Variants in TMTC1 observed in about 807,000 individuals in gnomAD.
The protein encoded by TMTC1 is protein O-mannosyl-transferase TMTC1.
A neutral mutation model predicts 104.8 loss-of-function variants in TMTC1; 73 were observed. That is an observed-to-expected ratio of 0.70 (90% CI 0.58 to 0.85). TMTC1 has a LOEUF of 0.85. Among genes scored for constraint, TMTC1 ranks in the 40% least tolerant of loss-of-function variants. The probability of loss-of-function intolerance (pLI) is 0.00; values close to 1 mark genes in which losing one functional copy is unlikely to be tolerated. For synonymous variants in TMTC1, 434 were observed against 428.7 expected (o/e 1.01, Z -0.15); for missense variants, 1,035 against 1,096.1 (o/e 0.94, Z 0.79).
At chr12:29,615,495 A>G (rs1040194081) in intron 6 of TMTC1, among the ~76,000 whole-genome samples, 2 of 152,156 alleles carry the variant, frequency 1.3e-5, no homozygotes, top group East Asian at 1.9e-4. Context: ...AGAGAGATAT[A>G]TATGGTGCTA....
chr12:29,539,752 A>T (rs771318863), intron 10 of TMTC1, among the ~76,000 whole-genome samples: 21 of 152,166 alleles, frequency 1.4e-4, no homozygotes, highest in Non-Finnish European at 2.5e-4. Flanking sequence ...TGAATATGAC[A>T]ATCACCCAGA....
At chr12:29,526,744 T>C (rs1331091644) in intron 11 of TMTC1, among the ~76,000 whole-genome samples, 1 of 152,160 alleles carries the variant, frequency 6.6e-6, no homozygotes, top group Non-Finnish European at 1.5e-5. Context: ...AGCAATTAAC[T>C]ATGGAAAAGT....
rs567972564 is a variant in TMTC1, at chr12:29,505,141, C to T, written c.*1705G>A. On this transcript the variant is annotated 3_prime_UTR_variant, in exon 18 of 18. Coordinates refer to ENST00000539277, the MANE Select transcript of TMTC1 (RefSeq NM_001193451.2). Reference sequence around the variant, plus strand: ...AAAATACTCCCTTCGCCATGCCTTCCGAAGAAGTTTTTCTTGTTTATTTAG... The same window carrying T: ...AAAATACTCCCTTCGCCATGCCTTCTGAAGAAGTTTTTCTTGTTTATTTAG... The T allele has an allele frequency of 3.9e-4, 59 of 152,250 alleles. No homozygotes were observed. Among genetic ancestry groups the T allele is most frequent in the African/African-American group, 1.4e-3 (57 of 41,532 alleles). 9.4% of individuals were successfully genotyped at this position (152,250 alleles called of 1,614,324 possible). A position where few individuals can be genotyped will look rare whatever the true frequency, so the allele number is the denominator to read the frequency against.
intron 5 of TMTC1, among the ~76,000 whole-genome samples, chr12:29,681,561 G>T (rs1940919754): frequency 6.6e-6 from 1 of 152,156 alleles, no homozygotes. Flanking sequence ...TCTAGATCTA[G>T]CTGTGAACTT....
intron 2 of TMTC1, among the ~76,000 whole-genome samples, chr12:29,767,071 T>A (rs1458846987): frequency 1.3e-5 from 2 of 151,798 alleles, no homozygotes; most frequent in African/African-American, 4.8e-5. Context: ...TGCCTCAGCC[T>A]CCCAAGTAGC....
intron 5 of TMTC1, among the ~76,000 whole-genome samples, chr12:29,741,657 G>T (rs148614542): frequency 1.8e-3 from 274 of 152,186 alleles, no homozygotes; most frequent in Non-Finnish European, 3.3e-3. Context: ...CTCTAAAAAA[G>T]AAAACACATA....
chr12:29,610,894 A>G (rs1392654144), intron 6 of TMTC1, among the ~76,000 whole-genome samples: 1 of 152,220 alleles, frequency 6.6e-6, no homozygotes, highest in African/African-American at 2.4e-5. Context: ...TGGTGATATC[A>G]TTTCCTCACT....
chr12:29,561,687 G>C (rs533947118), intron 9 of TMTC1, among the ~76,000 whole-genome samples: 1 of 152,266 alleles, frequency 6.6e-6, no homozygotes, highest in South Asian at 2.1e-4. Flanking sequence ...TGTACAATCT[G>C]TTCCAGAGTT....
intron 5 of TMTC1, among the ~76,000 whole-genome samples, chr12:29,643,859 A>T (rs867392467): frequency 1.6e-5 from 1 of 63,210 alleles, no homozygotes; most frequent in Admixed American, 2.6e-4. Flanking sequence ...ATATATATTT[A>T]TATATATTTT....
In TMTC1 at chr12:29,512,108, C is replaced by T; in HGVS notation, c.2443G>A (p.Ala815Thr). The stretch of plus-strand genomic sequence containing the variant: ...GCTTGGTCTGGGTTTAGTTGCACAG[C>T]CACTCTATAGCTCTAAATAAATAAG... ...LDKAFESYRV[A>T]VQLNPDQAQA... The change falls in exon 17 of 18, where the codon GCT becomes ACT. Residue 815 changes from alanine (A) to threonine (T), a missense_variant. By Grantham distance (58) the Ala-to-Thr change is moderately conservative. Coordinates refer to ENST00000539277, the MANE Select transcript of TMTC1 (RefSeq NM_001193451.2). 1 of 1,613,684 alleles carries T rather than the reference C, an allele frequency of 6.2e-7. No homozygotes were observed. Among genetic ancestry groups the T allele is most frequent in the South Asian group, 1.1e-5 (1 of 91,018 alleles).
rs1945258440 is a variant in TMTC1 at position 29,556,862 on chromosome 12, G to GCT, written c.1670_1671insAG (p.Leu558AlafsTer15). On this transcript the variant is annotated frameshift_variant, in exon 10 of 18. Coordinates refer to ENST00000539277, the MANE Select transcript of TMTC1 (RefSeq NM_001193451.2). LOFTEE classifies it high-confidence loss of function. The stretch of plus-strand genomic sequence containing the variant: ...ATGGTAAACGTCCCACTTACTTGAG[G>GCT]AGATTCCCCAGATTGAAAAGAGCCC... The GCT allele has an allele frequency of 6.2e-7, 1 of 1,613,898 alleles. No homozygotes were observed. The highest frequency in any genetic ancestry group is 8.5e-7 in the Non-Finnish European group (1 of 1,179,972).
At chr12:29,587,452 G>C (rs886890728) in intron 7 of TMTC1, among the ~76,000 whole-genome samples, 2 of 152,024 alleles carry the variant, frequency 1.3e-5, no homozygotes, top group Middle Eastern at 3.4e-3. Flanking sequence ...TCCCTCCTCA[G>C]CCTCCCCAGT....
At position 29,684,657 on chromosome 12, in the gene TMTC1, G is replaced by A. The variant is rs543801318; in HGVS notation, c.939-51321C>T. Among the ~76,000 whole-genome samples the A allele has an allele frequency of 2.0e-4, 31 of 152,216 alleles. No individual in the cohort carries two copies. The South Asian group carries it at 6.2e-3, about 31-fold the overall frequency. ...ACACTGATCATTGGTGTGTAATTCT[G>A]TATAAGATCTCTCTCTAGACTCAGA... On this transcript the variant is annotated intron_variant, in intron 5 of 17. Coordinates refer to ENST00000539277, the MANE Select transcript of TMTC1 (RefSeq NM_001193451.2).
chr12:29,602,403 C>A (rs1018855121), intron 7 of TMTC1, among the ~76,000 whole-genome samples: 3 of 152,192 alleles, frequency 2.0e-5, no homozygotes, highest in African/African-American at 7.2e-5. Context: ...ATCAGCCTCC[C>A]AAAGTGCTGG....
At chr12:29,767,795 TAC>T in intron 2 of TMTC1, 101 bp downstream of exon 2, 1 of 1,075,396 alleles carries the variant, frequency 9.3e-7, no homozygotes, top group Non-Finnish European at 1.3e-6. Flanking sequence ...TATCTACATA[TAC>T]ACACATATTT....
At chr12:29,780,151 T>C (rs1943800730) in intron 1 of TMTC1, among the ~76,000 whole-genome samples, 1 of 152,190 alleles carries the variant, frequency 6.6e-6, no homozygotes, top group Non-Finnish European at 1.5e-5. Flanking sequence ...CTCCTGGGCA[T>C]TTAGAACAGA....
At chr12:29,727,543 A>AT (rs1591981866) in intron 5 of TMTC1, among the ~76,000 whole-genome samples, 1 of 151,688 alleles carries the variant, frequency 6.6e-6, no homozygotes, top group Admixed American at 6.6e-5. Flanking sequence ...CGCCTGGCTA[A>AT]TTTTTTGTAT....
chr12:29,751,322 G>A (rs1439599947), intron 5 of TMTC1, among the ~76,000 whole-genome samples: 1 of 152,110 alleles, frequency 6.6e-6, no homozygotes, highest in African/African-American at 2.4e-5. Flanking sequence ...AACACAAAGA[G>A]CAGAGAGAGA....
chr12:29,661,114 T>C lies in TMTC1; in HGVS notation c.939-27778A>G, dbSNP rs758773846. ...CTCTTTGCACATCTATTTTACTCAC[T>C]TATAAAAGGGAGACAATAATAGTAT... On this transcript the variant is annotated intron_variant, in intron 5 of 17. Coordinates refer to ENST00000539277, the MANE Select transcript of TMTC1 (RefSeq NM_001193451.2). Among the ~76,000 whole-genome samples the C allele has an allele frequency of 1.5e-4, 23 of 152,058 alleles. 1 individual carries two copies. The highest frequency in any genetic ancestry group is 2.6e-4 in the Non-Finnish European group (18 of 68,022).
Sources: gnomAD v4.1 joint callset for allele counts (sites outside exome capture counted in the v4.1 genomes callset) on GRCh38, gnomAD v4.1.1 for gene constraint, MANE v1.5 for transcripts, NCBI Gene and HGNC (gene_info 2026-07-23, HGNC 2026-07-21) for gene names.